The following ANK3 variants were observed in gnomAD, a reference collection of about 807,000 sequenced individuals.
ANK3 encodes ankyrin 3.
A neutral mutation model predicts 370.9 loss-of-function variants in ANK3; 57 were observed. The ratio of observed to expected loss-of-function variants is 0.15; its 90% CI spans 0.12 to 0.19. ANK3 has a LOEUF of 0.19. Among genes scored for constraint, ANK3 ranks in the 10% least tolerant of loss-of-function variants. The pLI, the probability that ANK3 is intolerant of heterozygous loss-of-function variation, is 1.00. For synonymous variants in ANK3, 1,929 were observed against 1,946.3 expected (o/e 0.99, Z 0.23); for missense variants, 4,439 against 5,302.1 (o/e 0.84, Z 5.06).
intron 1 of ANK3, among the ~76,000 whole-genome samples, chr10:60,326,528 AT>A (rs1443366772): frequency 6.6e-6 from 1 of 151,932 alleles, no homozygotes; most frequent in Non-Finnish European, 1.5e-5. Context: ...TTGAAAAAGT[AT>A]TTTTCATCTC....
chr10:60,415,927 C>CCT (rs1555370003), intron 2 of ANK3, among the ~76,000 whole-genome samples: 2 of 127,322 alleles, frequency 1.6e-5, no homozygotes, highest in Non-Finnish European at 3.5e-5. Context: ...CCCCCCACCC[C>CCT]CCCGCCATTC....
At chr10:60,715,738 C>A (rs2079777491) in intron 1 of ANK3, among the ~76,000 whole-genome samples, 1 of 152,110 alleles carries the variant, frequency 6.6e-6, no homozygotes, top group Admixed American at 6.5e-5. Flanking sequence ...ATATTTGCAA[C>A]TCTATTCTAC....
intron 1 of ANK3, among the ~76,000 whole-genome samples, chr10:60,315,880 T>C (rs1424404046): frequency 6.6e-6 from 1 of 152,166 alleles, no homozygotes; most frequent in Non-Finnish European, 1.5e-5. Flanking sequence ...TGCCAGCAAA[T>C]ATTATGAGCG....
chr10:60,423,803 C>T (rs1401753470), intron 2 of ANK3, among the ~76,000 whole-genome samples: 1 of 152,026 alleles, frequency 6.6e-6, no homozygotes, highest in African/African-American at 2.4e-5. Flanking sequence ...ACACTTTATA[C>T]ACTGATCTAA....
At chr10:60,400,828 C>T (rs879283913) in intron 2 of ANK3, among the ~76,000 whole-genome samples, 1 of 152,140 alleles carries the variant, frequency 6.6e-6, no homozygotes, top group South Asian at 2.1e-4. Flanking sequence ...TTAAGCCCAG[C>T]ATGCATTAAC....
chr10:60,556,210 C>T (rs1435132645), intron 2 of ANK3, among the ~76,000 whole-genome samples: 2 of 152,172 alleles, frequency 1.3e-5, no homozygotes, highest in Non-Finnish European at 2.9e-5. Flanking sequence ...GAACAGAAGG[C>T]ATATATCTTA....
In ANK3 at chr10:60,338,863, G is replaced by A. The variant is rs144237629; in HGVS notation, c.114+50562C>T. ...TGATGAAAATGCAATCTACTCAGAG[G>A]CCAAACATATTTAATGTAGAAAAAT... On this transcript the variant is annotated intron_variant, in intron 1 of 43. Coordinates refer to ENST00000280772, the MANE Select transcript of ANK3 (RefSeq NM_020987.5). Among the ~76,000 whole-genome samples, 156 of 152,190 alleles carry A rather than the reference G, an allele frequency of 1.0e-3. 1 individual carries two copies. Among genetic ancestry groups the A allele is most frequent in the African/African-American group, 3.6e-3 (149 of 41,530 alleles).
chr10:60,180,179 A>G (rs1261903868), intron 18 of ANK3, among the ~76,000 whole-genome samples: 1 of 152,194 alleles, frequency 6.6e-6, no homozygotes, highest in Non-Finnish European at 1.5e-5. Flanking sequence ...TTGGGGTAAT[A>G]TTTCTGTATT....
At chr10:60,035,228 C>G (rs1589049870) in intron 43 of ANK3, among the ~76,000 whole-genome samples, 2 of 152,064 alleles carry the variant, frequency 1.3e-5, no homozygotes, top group East Asian at 3.9e-4. Flanking sequence ...CTTTGTGGCT[C>G]TATTTTCTTA....
chr10:60,510,812 T>C (rs1455248899), intron 2 of ANK3, among the ~76,000 whole-genome samples: 2 of 151,952 alleles, frequency 1.3e-5, no homozygotes, highest in Non-Finnish European at 2.9e-5. Context: ...AGAGAAAGAC[T>C]CTGTCTTGAA....
At chr10:60,705,967 C>T (rs2079611291) in intron 1 of ANK3, among the ~76,000 whole-genome samples, 1 of 151,890 alleles carries the variant, frequency 6.6e-6, no homozygotes, top group African/African-American at 2.4e-5. Context: ...GGACCACAGG[C>T]ACACACCATC....
intron 21 of ANK3, among the ~76,000 whole-genome samples, chr10:60,171,909 C>T (rs909067661): frequency 6.6e-6 from 1 of 152,050 alleles, no homozygotes; most frequent in Non-Finnish European, 1.5e-5. Flanking sequence ...ATCCATGTAC[C>T]ATTTGTGCAT....
chr10:60,658,015 A>G (rs1487308114), intron 1 of ANK3, among the ~76,000 whole-genome samples: 6 of 86,816 alleles, frequency 6.9e-5, no homozygotes, highest in Non-Finnish European at 1.5e-4. Context: ...AGCCATTCCA[A>G]CTTTTTTTTT....
At chr10:60,307,522 T>C (rs1213719148) in intron 1 of ANK3, among the ~76,000 whole-genome samples, 2 of 151,648 alleles carry the variant, frequency 1.3e-5, no homozygotes, top group Non-Finnish European at 2.9e-5. Flanking sequence ...TAATTTTTAG[T>C]AGAGATGAGG....
intron 34 of ANK3, 72 bp from the exon 35 acceptor site, chr10:60,082,248 A>G: frequency 7.4e-7 from 1 of 1,360,446 alleles, no homozygotes; most frequent in Non-Finnish European, 1.0e-6. Context: ...ATATCAGGAT[A>G]TGAAAAGGAC....
chr10:60,050,703 A>G (rs2077777344), intron 42 of ANK3: 1 of 152,240 alleles, frequency 6.6e-6, no homozygotes, highest in African/African-American at 2.4e-5. Flanking sequence ...TACAAGAAGC[A>G]TTCTGTGGAA....
intron 1 of ANK3, among the ~76,000 whole-genome samples, chr10:60,341,558 G>A (rs1396585909): frequency 6.6e-6 from 1 of 152,098 alleles, no homozygotes; most frequent in Non-Finnish European, 1.5e-5. Flanking sequence ...CAAAAGAATT[G>A]TATTCATGGT....
At chr10:60,567,983 G>A (rs1657808939) in intron 2 of ANK3, among the ~76,000 whole-genome samples, 1 of 152,222 alleles carries the variant, frequency 6.6e-6, no homozygotes, top group Non-Finnish European at 1.5e-5. Flanking sequence ...TTGAATGGAT[G>A]AGGAGTTACT....
chr10:60,540,526 C>A (rs1344536649), intron 2 of ANK3, among the ~76,000 whole-genome samples: 1 of 151,886 alleles, frequency 6.6e-6, no homozygotes, highest in African/African-American at 2.4e-5. Context: ...CATCTGGAAG[C>A]ACATTAGGAA....
Sources: allele counts gnomAD v4.1 joint callset (sites outside exome capture counted in the v4.1 genomes callset), GRCh38; gene constraint gnomAD v4.1.1; transcripts MANE v1.5; gene names NCBI Gene and HGNC (gene_info 2026-07-23, HGNC 2026-07-21).